DZANK1: variants seen among roughly 807,000 people sequenced by gnomAD.
DZANK1 encodes the protein double zinc ribbon and ankyrin repeat domains 1, also known as double zinc ribbon and ankyrin repeat-containing protein 1.
In DZANK1, 91 loss-of-function variants were observed where a neutral mutation model predicts 94.5. The observed-to-expected ratio is 0.96, with a 90% CI of 0.81 to 1.15. The LOEUF is 1.15. DZANK1 is among the 50% of genes most tolerant of loss of function. The pLI is 0.00. For missense variants in DZANK1, 903 were observed against 916.4 expected, an observed-to-expected ratio of 0.99 and a Z score of 0.19; for synonymous variants, 312 against 325.3, an observed-to-expected ratio of 0.96 and a Z score of 0.44.
chr20:18,464,085 T>C lies in DZANK1; in HGVS notation c.109+1165A>G, dbSNP rs528032312. ...TTATTTCTTTTTTCTTTTTCTTTTT[T>C]TTTTTTGAGATGGAGTCTTGTTCTG... On this transcript the variant is annotated intron_variant, in intron 2 of 20. Transcript: ENST00000262547. 1.4e-4 allele frequency among the ~76,000 whole-genome samples: 21 copies of C among 152,190 alleles called. No individual in the cohort carries two copies. The South Asian group carries it at 2.7e-3, about 20-fold the overall frequency.
chr20:18,449,135 G>C, intron 6 of DZANK1, 66 bp from the exon 7 acceptor site: 1 of 1,327,878 alleles, frequency 7.5e-7, no homozygotes, highest in Non-Finnish European at 1.1e-6. Context: ...AAAGGCTATG[G>C]TATAGTAAAA....
chr20:18,427,266 T>A, intron 9 of DZANK1, 107 bp from the exon 10 acceptor site: 1 of 709,940 alleles, frequency 1.4e-6, no homozygotes. Flanking sequence ...GCCCTATTAC[T>A]GCACCCAGGC....
chr20:18,433,540 T>G (rs760916756), intron 9 of DZANK1, 112 bp downstream of exon 9: 10 of 825,820 alleles, frequency 1.2e-5, no homozygotes, highest in Non-Finnish European at 1.9e-5. Context: ...AGATTCTGTC[T>G]CAAAAAAAAA....
rs142467894 is a variant in DZANK1 at position 18,456,457 on chromosome 20, T to A, written c.264-1096A>T. Among the ~76,000 whole-genome samples the A allele has an allele frequency of 2.5e-3, 387 of 152,344 alleles. 6 individuals carry two copies. Among genetic ancestry groups the A allele is most frequent in the Admixed American group, 0.021 (327 of 15,306 alleles). ...GACATAAAATTCATCTATTTTAAGT[T>A]TCTGGTTCAACGGAATTCAGTCAAT... On this transcript the variant is annotated intron_variant, in intron 3 of 20. Coordinates refer to ENST00000262547, the Ensembl canonical transcript of DZANK1.
chr20:18,408,540 G>A (rs1180817983), intron 13 of DZANK1, among the ~76,000 whole-genome samples: 4 of 152,108 alleles, frequency 2.6e-5, no homozygotes, highest in Non-Finnish European at 5.9e-5. Flanking sequence ...AACATCCAAT[G>A]GACCTCCAAT....
At chr20:18,424,170 C>T (rs565244328) in intron 10 of DZANK1, among the ~76,000 whole-genome samples, 18 of 152,132 alleles carry the variant, frequency 1.2e-4, no homozygotes, top group Non-Finnish European at 2.1e-4. Context: ...GTGATACCGG[C>T]CGGGCGCGGT....
At chr20:18,461,875 C>T (rs759967858) in intron 2 of DZANK1, among the ~76,000 whole-genome samples, 2 of 152,094 alleles carry the variant, frequency 1.3e-5, no homozygotes, top group African/African-American at 2.4e-5. Context: ...GCTGGGATTA[C>T]AGGTGTGAGC....
exon 17 of DZANK1, chr20:18,393,719 G>T (rs2056152955): frequency 6.2e-7 from 1 of 1,602,878 alleles, no homozygotes; most frequent in Non-Finnish European, 8.5e-7. Context: ...ACTATAAGCT[G>T]CTCCTTCTTT....
chr20:18,389,907 A>G (rs965244656), intron 18 of DZANK1, 79 bp from the exon 19 acceptor site: 11 of 1,579,776 alleles, frequency 7.0e-6, no homozygotes, highest in Non-Finnish European at 7.7e-6. Flanking sequence ...ATGAAGTATA[A>G]CAGATGTCCT....
intron 13 of DZANK1, among the ~76,000 whole-genome samples, chr20:18,404,989 T>C (rs182556525): frequency 9.9e-4 from 150 of 150,848 alleles, no homozygotes; most frequent in Non-Finnish European, 1.8e-3. Flanking sequence ...AGGCCAGGAG[T>C]TTGAGACCAG....
At chr20:18,391,398 T>A (rs1466826024) in intron 17 of DZANK1, among the ~76,000 whole-genome samples, 2 of 152,112 alleles carry the variant, frequency 1.3e-5, no homozygotes, top group African/African-American at 4.8e-5. Flanking sequence ...TATGCCTGGC[T>A]AATTTTTTGT....
intron 13 of DZANK1, among the ~76,000 whole-genome samples, chr20:18,404,823 G>A (rs1376295226): frequency 6.6e-6 from 1 of 151,952 alleles, no homozygotes; most frequent in African/African-American, 2.4e-5. Context: ...GAGATGAAAA[G>A]ATCTCTTGAG....
At chr20:18,416,894 C>T (rs1282921697) in intron 10 of DZANK1, among the ~76,000 whole-genome samples, 4 of 152,036 alleles carry the variant, frequency 2.6e-5, no homozygotes, top group Non-Finnish European at 5.9e-5. Flanking sequence ...AGGTTGCTGA[C>T]CTTGGTTTCT....
chr20:18,434,106 TAAC>T (rs2058408400), intron 8 of DZANK1, among the ~76,000 whole-genome samples: 1 of 151,658 alleles, frequency 6.6e-6, no homozygotes, highest in Non-Finnish European at 1.5e-5. Context: ...GAAAATAAAA[TAAC>T]AATTACTTTT....
At chr20:18,387,428 T>C (rs992863769) in intron 19 of DZANK1, among the ~76,000 whole-genome samples, 7 of 152,244 alleles carry the variant, frequency 4.6e-5, no homozygotes, top group Admixed American at 3.9e-4. Context: ...AGTATCATGG[T>C]AGATTAATGT....
At chr20:18,418,334 C>T (rs2057600210) in intron 10 of DZANK1, among the ~76,000 whole-genome samples, 1 of 152,092 alleles carries the variant, frequency 6.6e-6, no homozygotes, top group Non-Finnish European at 1.5e-5. Flanking sequence ...AGGCAGGGAG[C>T]TCCCAGAAAG....
At chr20:18,435,154 A>G (rs1021587051) in intron 8 of DZANK1, among the ~76,000 whole-genome samples, 1 of 152,214 alleles carries the variant, frequency 6.6e-6, no homozygotes, top group Non-Finnish European at 1.5e-5. Context: ...TTGAGTTTCA[A>G]TGTTACCCAG....
chr20:18,439,460 T>C (rs916825578), intron 8 of DZANK1, among the ~76,000 whole-genome samples: 37 of 152,168 alleles, frequency 2.4e-4, no homozygotes, highest in African/African-American at 8.9e-4. Flanking sequence ...TTCAATTATA[T>C]AGACCAGGCG....
chr20:18,411,969 C>A (rs2057278005), intron 13 of DZANK1, among the ~76,000 whole-genome samples: 1 of 152,196 alleles, frequency 6.6e-6, no homozygotes, highest in Non-Finnish European at 1.5e-5. Flanking sequence ...GGCCTTAACT[C>A]ATTCCCTCCA....
Sources: allele counts gnomAD v4.1 joint callset (sites outside exome capture counted in the v4.1 genomes callset), GRCh38; gene constraint gnomAD v4.1.1; transcripts MANE v1.5; gene names NCBI Gene and HGNC (gene_info 2026-07-23, HGNC 2026-07-21).